Variants in KCNH5 observed in about 807,000 individuals in gnomAD.
The protein encoded by KCNH5 is potassium voltage-gated channel subfamily H member 5.
A neutral mutation model predicts 96.1 loss-of-function variants in KCNH5; 46 were observed. That is an observed-to-expected ratio of 0.48 (90% CI 0.38 to 0.61). KCNH5 has a LOEUF of 0.61. KCNH5 is among the 20% of genes least tolerant of loss of function. The pLI is 0.00. For missense variants in KCNH5, 907 were observed against 1,225.8 expected, an observed-to-expected ratio of 0.74 and a Z score of 3.88; for synonymous variants, 439 against 449.8, an observed-to-expected ratio of 0.98 and a Z score of 0.30.
intron 8 of KCNH5, among the ~76,000 whole-genome samples, chr14:62,807,990 G>A (rs1461063821): frequency 2.0e-5 from 3 of 152,122 alleles, no homozygotes; most frequent in East Asian, 3.9e-4. Context: ...CCCTAGCTAT[G>A]CTGGAGAGTT....
intron 7 of KCNH5, among the ~76,000 whole-genome samples, chr14:62,910,554 C>T (rs1251759801): frequency 1.3e-5 from 2 of 152,104 alleles, no homozygotes; most frequent in East Asian, 3.9e-4. Flanking sequence ...TCCTACACAG[C>T]AGCAATAACA....
chr14:62,814,640 G>A (rs532037598), intron 8 of KCNH5, among the ~76,000 whole-genome samples: 7 of 151,528 alleles, frequency 4.6e-5, no homozygotes, highest in Non-Finnish European at 8.8e-5. Context: ...AAAATTAGCC[G>A]GGTGTGGTGG....
intron 8 of KCNH5, among the ~76,000 whole-genome samples, chr14:62,812,275 A>T (rs944182455): frequency 6.6e-6 from 1 of 152,198 alleles, no homozygotes; most frequent in Non-Finnish European, 1.5e-5. Context: ...ATGCCCCGCC[A>T]CTGCCATAGA....
chr14:63,012,396 A>G (rs1161361178), intron 2 of KCNH5, among the ~76,000 whole-genome samples: 1 of 152,212 alleles, frequency 6.6e-6, no homozygotes, highest in Admixed American at 6.5e-5. Flanking sequence ...ATATTTTCAG[A>G]TAGGAATTTC....
intron 4 of KCNH5, among the ~76,000 whole-genome samples, chr14:62,987,495 T>A (rs1331202853): frequency 6.6e-6 from 1 of 152,212 alleles, no homozygotes; most frequent in South Asian, 2.1e-4. Context: ...GCTTTCTTAC[T>A]GGGAAATAGC....
At chr14:62,860,973 C>T (rs909524323) in intron 7 of KCNH5, among the ~76,000 whole-genome samples, 1 of 152,178 alleles carries the variant, frequency 6.6e-6, no homozygotes, top group Non-Finnish European at 1.5e-5. Flanking sequence ...AGAAACACAG[C>T]CAGAGACTGC....
chr14:62,825,456 A>G (rs1259838837), intron 8 of KCNH5, among the ~76,000 whole-genome samples: 3 of 151,876 alleles, frequency 2.0e-5, no homozygotes, highest in East Asian at 1.9e-4. Context: ...CTCTTACTAC[A>G]TTAAACTAAC....
chr14:62,779,994 G>A, intron 9 of KCNH5, 70 bp from the exon 10 acceptor site: 1 of 1,310,248 alleles, frequency 7.6e-7, no homozygotes, highest in South Asian at 1.5e-5. Flanking sequence ...TTGTTATTCA[G>A]TTTCATATAC....
chr14:62,965,080 T>TAG (rs796809288), intron 6 of KCNH5, among the ~76,000 whole-genome samples: 3 of 151,142 alleles, frequency 2.0e-5, no homozygotes, highest in African/African-American at 4.9e-5. Flanking sequence ...AATATATATA[T>TAG]AGAGAGAGAG....
intron 4 of KCNH5, among the ~76,000 whole-genome samples, chr14:62,988,652 T>C (rs1458196515): frequency 6.6e-6 from 1 of 151,996 alleles, no homozygotes; most frequent in South Asian, 2.1e-4. Flanking sequence ...GTTTTGGGAA[T>C]TGTATGCAAC....
chr14:62,789,113 GT>G (rs1211659794), intron 9 of KCNH5, among the ~76,000 whole-genome samples: 1 of 151,728 alleles, frequency 6.6e-6, no homozygotes, highest in East Asian at 1.9e-4. Context: ...CCCCACCACT[GT>G]TTTATTCTCT....
At chr14:62,878,033 A>T (rs1385870851) in intron 7 of KCNH5, among the ~76,000 whole-genome samples, 2 of 152,038 alleles carry the variant, frequency 1.3e-5, no homozygotes, top group Non-Finnish European at 2.9e-5. Context: ...TGATGAGTTC[A>T]TGTCCTTTCT....
chr14:63,020,680 G>A (rs1891409131), intron 1 of KCNH5, among the ~76,000 whole-genome samples: 1 of 152,118 alleles, frequency 6.6e-6, no homozygotes, highest in Non-Finnish European at 1.5e-5. Flanking sequence ...GAACTTTCTG[G>A]CAAATGTAAT....
chr14:62,963,210 G>A (rs1890245816), intron 6 of KCNH5, among the ~76,000 whole-genome samples: 2 of 151,934 alleles, frequency 1.3e-5, no homozygotes, highest in African/African-American at 4.8e-5. Flanking sequence ...TTGTTATATT[G>A]TTTATTTCTT....
At chr14:62,933,584 G>A (rs1889621641) in intron 7 of KCNH5, among the ~76,000 whole-genome samples, 1 of 151,840 alleles carries the variant, frequency 6.6e-6, no homozygotes, top group South Asian at 2.1e-4. Flanking sequence ...AACAGACAAT[G>A]ACTAAAACTG....
intron 9 of KCNH5, among the ~76,000 whole-genome samples, chr14:62,792,255 T>G (rs984679379): frequency 5.3e-5 from 8 of 151,498 alleles, no homozygotes; most frequent in African/African-American, 1.9e-4. Context: ...AATACTAGCT[T>G]GAAGACATTT....
chr14:62,990,195 G>A (rs1890784023), intron 4 of KCNH5, among the ~76,000 whole-genome samples: 1 of 152,004 alleles, frequency 6.6e-6, no homozygotes, highest in Non-Finnish European at 1.5e-5. Context: ...ATCATCAAAT[G>A]GCATGTTTTC....
intron 7 of KCNH5, among the ~76,000 whole-genome samples, chr14:62,895,744 C>G (rs893406749): frequency 1.3e-5 from 2 of 152,106 alleles, no homozygotes; most frequent in Non-Finnish European, 2.9e-5. Flanking sequence ...TAACAAAAGC[C>G]AAAGACTGAT....
intron 7 of KCNH5, among the ~76,000 whole-genome samples, chr14:62,867,983 C>T (rs947349195): frequency 1.3e-5 from 2 of 152,212 alleles, no homozygotes; most frequent in African/African-American, 4.8e-5. Flanking sequence ...TGTGAATATG[C>T]TTGTTGTCTG....
Sources: gnomAD v4.1 joint callset for allele counts (sites outside exome capture counted in the v4.1 genomes callset) on GRCh38, gnomAD v4.1.1 for gene constraint, MANE v1.5 for transcripts, NCBI Gene and HGNC (gene_info 2026-07-23, HGNC 2026-07-21) for gene names.